Variants in DNAAF9 observed in about 807,000 individuals in gnomAD.
DNAAF9 encodes shulin.
In DNAAF9, 90 loss-of-function variants were observed where a neutral mutation model predicts 167.0. That is an observed-to-expected ratio of 0.54 (90% CI 0.45 to 0.64). The LOEUF (loss-of-function observed/expected upper bound fraction) is 0.64, where lower values mean the gene tolerates loss of function less well. DNAAF9 is among the 30% of genes least tolerant of loss of function. The pLI is 0.00. For synonymous variants in DNAAF9, 491 were observed against 508.8 expected, an observed-to-expected ratio of 0.96 and a Z score of 0.47; for missense variants, 1,315 against 1,442.2, an observed-to-expected ratio of 0.91 and a Z score of 1.43.
chr20:3,278,856 C>T, intron 29 of DNAAF9, 56 bp downstream of exon 29: 5 of 1,244,508 alleles, frequency 4.0e-6, no homozygotes, highest in Admixed American at 1.7e-5. Flanking sequence ...AAGTCTATTG[C>T]TGAATTCTAC....
In DNAAF9 at chr20:3,316,140, G is replaced by C. The variant is rs1288764756; in HGVS notation, c.1540-355C>G. On this transcript the variant is annotated intron_variant, in intron 18 of 36. Transcript: ENST00000252032. ...TATTTTCAGATTTAAACACGTTTAG[G>C]TTAGAGGATAACTCTCGGTCTTCCC... 4 of 297,112 alleles carry C rather than the reference G, an allele frequency of 1.3e-5. No homozygotes were observed. In the East Asian group the frequency reaches 3.0e-4, roughly 22 times the overall value. 18.4% of individuals were successfully genotyped at this position (297,112 alleles called of 1,614,324 possible).
intron 25 of DNAAF9, among the ~76,000 whole-genome samples, chr20:3,293,599 C>G (rs1353030455): frequency 6.9e-6 from 1 of 144,316 alleles, no homozygotes; most frequent in Non-Finnish European, 1.5e-5. Flanking sequence ...GCGGGACAAT[C>G]ACTTGAGCCC....
At position 3,407,489 on chromosome 20, in the gene DNAAF9, C is replaced by A; in HGVS notation, c.69G>T (p.Gly23=). The change falls in exon 1 of 37, where the codon GGG becomes GGT. Residue 23 remains glycine, a synonymous_variant. Coordinates refer to ENST00000252032, the MANE Select transcript of DNAAF9 (RefSeq NM_001009984.3). ...RARSPGGSSR[G]SPSVSCSRLR... is the part of the protein sequence containing the mutation. The stretch of plus-strand genomic sequence containing the variant: ...GCCCCGCGTACCTGACGGAGGGTGA[C>A]CCGCGGCTGGAGCCGCCAGGGGACC... 1 of 1,300,824 alleles carries A rather than the reference C, an allele frequency of 7.7e-7. No individual in the cohort carries two copies. Among genetic ancestry groups the A allele is most frequent in the Non-Finnish European group, 9.7e-7 (1 of 1,027,248 alleles). 80.6% of individuals were successfully genotyped at this position (1,300,824 alleles called of 1,614,324 possible).
intron 3 of DNAAF9, among the ~76,000 whole-genome samples, chr20:3,378,990 T>A (rs749096074): frequency 5.3e-5 from 8 of 151,576 alleles, no homozygotes; most frequent in Non-Finnish European, 7.4e-5. Flanking sequence ...GCCCCTCTCA[T>A]CTCTCAGCAT....
At chr20:3,308,006 A>C (rs1248038180) in intron 20 of DNAAF9, among the ~76,000 whole-genome samples, 2 of 151,584 alleles carry the variant, frequency 1.3e-5, no homozygotes, top group East Asian at 3.9e-4. Flanking sequence ...AACAACTACA[A>C]AACCCAGATG....
chr20:3,400,974 A>G (rs2083974847), intron 1 of DNAAF9, among the ~76,000 whole-genome samples: 1 of 152,188 alleles, frequency 6.6e-6, no homozygotes, highest in African/African-American at 2.4e-5. Flanking sequence ...AGTAAACTGG[A>G]GGCTGAAGCT....
chr20:3,306,922 G>C (rs8125797), intron 20 of DNAAF9: 33,656 of 984,338 alleles, frequency 0.034, 720 homozygotes, highest in African/African-American at 0.096. Flanking sequence ...GTGTCACGAG[G>C]TAGAAACTGC....
chr20:3,316,869 C>G (rs1408156148), intron 17 of DNAAF9, 76 bp from the exon 18 acceptor site: 1 of 903,812 alleles, frequency 1.1e-6, no homozygotes, highest in African/African-American at 1.7e-5. Context: ...ACCCTAAATG[C>G]CCTTCTCAGG....
At chr20:3,298,248 A>C in intron 21 of DNAAF9, 73 bp from the exon 22 acceptor site, 1 of 1,207,812 alleles carries the variant, frequency 8.3e-7, no homozygotes, top group Admixed American at 1.9e-5. Flanking sequence ...TACTGCCAGA[A>C]CACACAGGAT....
chr20:3,361,842 T>G, intron 6 of DNAAF9: 1 of 1,441,344 alleles, frequency 6.9e-7, no homozygotes, highest in Middle Eastern at 2.5e-4. Context: ...AATCGAATGT[T>G]GGGGGGAAGG....
Position 3,316,134 on chromosome 20 carries a change from G to A in DNAAF9, c.1540-349C>T, listed in dbSNP as rs368440257. On this transcript the variant is annotated intron_variant, in intron 18 of 36. Transcript: ENST00000252032. ...TTAAAATATTTTCAGATTTAAACAC[G>A]TTTAGGTTAGAGGATAACTCTCGGT... The A allele has an allele frequency of 1.9e-4, 61 of 314,460 alleles. 2 individuals are homozygous for A. The highest frequency in any genetic ancestry group is 1.7e-3 in the South Asian group (39 of 23,098). The allele number at this position is 314,460 out of a possible 1,614,324, so 19.5% of individuals were successfully genotyped here.
chr20:3,405,076 A>G (rs2084037955), intron 1 of DNAAF9, among the ~76,000 whole-genome samples: 1 of 152,340 alleles, frequency 6.6e-6, no homozygotes, highest in Admixed American at 6.5e-5. Context: ...ATTCCCACGC[A>G]TTTCACTGAC....
At chr20:3,349,211 A>AAAAAAAC (rs2070263017) in intron 7 of DNAAF9, among the ~76,000 whole-genome samples, 2 of 149,894 alleles carry the variant, frequency 1.3e-5, no homozygotes, top group African/African-American at 5.0e-5. Flanking sequence ...AAACAAAAAA[A>AAAAAAAC]AAAAAAACAC....
intron 27 of DNAAF9, among the ~76,000 whole-genome samples, chr20:3,284,692 A>G (rs2068821470): frequency 6.6e-6 from 1 of 152,236 alleles, no homozygotes; most frequent in African/African-American, 2.4e-5. Context: ...TTGCAATTTA[A>G]GCCTACAATC....
chr20:3,321,366 C>T (rs1454139785), intron 16 of DNAAF9, among the ~76,000 whole-genome samples: 3 of 152,152 alleles, frequency 2.0e-5, no homozygotes, highest in African/African-American at 7.2e-5. Flanking sequence ...CAAACCCGTA[C>T]AGCATGTTAC....
At chr20:3,358,513 A>C (rs1255725522) in intron 7 of DNAAF9, among the ~76,000 whole-genome samples, 3 of 151,928 alleles carry the variant, frequency 2.0e-5, no homozygotes, top group African/African-American at 7.3e-5. Flanking sequence ...TGTACTCCTG[A>C]CCTCAGGTGA....
At chr20:3,289,566 C>T (rs1032177453) in intron 26 of DNAAF9, among the ~76,000 whole-genome samples, 1 of 152,152 alleles carries the variant, frequency 6.6e-6, no homozygotes, top group African/African-American at 2.4e-5. Flanking sequence ...GTTGCCCAGG[C>T]TGGGATGCAG....
In DNAAF9 at chr20:3,332,494, T is replaced by C. The variant is rs914894175; in HGVS notation, c.982-133A>G. 2.1e-4 allele frequency: 107 copies of C among 519,732 alleles called. 1 individual carries two copies. Among genetic ancestry groups the C allele is most frequent in the Middle Eastern group, 5.3e-4 (1 of 1,888 alleles). 32.2% of individuals were successfully genotyped at this position (519,732 alleles called of 1,614,324 possible). A position where few individuals can be genotyped will look rare whatever the true frequency, so the allele number is the denominator to read the frequency against. On this transcript the variant is annotated intron_variant, in intron 10 of 36. Transcript: ENST00000252032. ...TTTGAGACAGAGTCTTACTCTGTCA[T>C]GTAGGATGGAGTGCAGTGGCGCAAT...
intron 6 of DNAAF9, among the ~76,000 whole-genome samples, chr20:3,366,194 T>C (rs2083431267): frequency 6.6e-6 from 1 of 152,204 alleles, no homozygotes; most frequent in South Asian, 2.1e-4. Flanking sequence ...ATCTATTGCC[T>C]AACAAAATGT....
Sources: gnomAD v4.1 joint callset for allele counts (sites outside exome capture counted in the v4.1 genomes callset) on GRCh38, gnomAD v4.1.1 for gene constraint, MANE v1.5 for transcripts, NCBI Gene and HGNC (gene_info 2026-07-23, HGNC 2026-07-21) for gene names.